Variants in PPP1R2 observed in about 807,000 individuals in gnomAD.
PPP1R2 encodes the protein protein phosphatase inhibitor 2.
A neutral mutation model predicts 29.9 loss-of-function variants in PPP1R2; 16 were observed. The observed-to-expected ratio is 0.53, with a 90% CI of 0.36 to 0.81. The LOEUF is 0.81. Ranked by LOEUF, PPP1R2 falls within the 30% of genes least tolerant of loss-of-function variation. PPP1R2 has a pLI of 0.00. For missense variants in PPP1R2, 197 were observed against 252.7 expected (o/e 0.78, Z 1.49); for synonymous variants, 76 against 91.5 (o/e 0.83, Z 0.96).
intron 1 of PPP1R2, among the ~76,000 whole-genome samples, chr3:195,536,004 T>TATG (rs1298840315): frequency 2.0e-5 from 3 of 152,332 alleles, no homozygotes; most frequent in Admixed American, 6.5e-5. Context: ...TAAAGATCTT[T>TATG]ATGATGATCC....
intron 4 of PPP1R2, 85 bp from the exon 5 acceptor site, chr3:195,519,270 A>G (rs1328692276): frequency 2.0e-6 from 2 of 1,010,850 alleles, no homozygotes; most frequent in African/African-American, 3.3e-5. Flanking sequence ...TTATTGAAAC[A>G]GTGATGCTCA....
At chr3:195,527,570 AT>A (rs1451983334) in intron 2 of PPP1R2, among the ~76,000 whole-genome samples, 5 of 152,138 alleles carry the variant, frequency 3.3e-5, no homozygotes, top group South Asian at 2.1e-4. Flanking sequence ...GGCCTCAACT[AT>A]TTTTTTAAAT....
At position 195,542,788 on chromosome 3, in the gene PPP1R2, A is replaced by C. The variant is rs1719644106; in HGVS notation, c.122+116T>G. 3 of 1,281,000 alleles carry C rather than the reference A, an allele frequency of 2.3e-6. No individual in the cohort carries two copies. In the Admixed American group the frequency reaches 9.6e-5, roughly 41 times the overall value. The allele number at this position is 1,281,000 out of a possible 1,614,324, so 79.4% of individuals were successfully genotyped here. A position where few individuals can be genotyped will look rare whatever the true frequency, so the allele number is the denominator to read the frequency against. ...CACCCGCGGCTAGCCGGGCAGGAGA[A>C]GAGACTCGAGCGGCACCCGAGCCGC... On this transcript the variant is annotated intron_variant, in intron 1 of 5. Transcript: ENST00000618156.
At chr3:195,530,208 T>C (rs1305047569) in intron 1 of PPP1R2, among the ~76,000 whole-genome samples, 2 of 152,232 alleles carry the variant, frequency 1.3e-5, no homozygotes, top group Admixed American at 1.3e-4. Context: ...TATAAAATAA[T>C]GCAAGTCAAA....
intron 4 of PPP1R2, 24 bp downstream of exon 4, chr3:195,523,667 GA>G (rs1560434674): frequency 4.5e-6 from 7 of 1,571,552 alleles, no homozygotes; most frequent in Non-Finnish European, 6.1e-6. Flanking sequence ...GCACCATGAT[GA>G]AAGCAGTAAA....
At chr3:195,526,815 C>T (rs1293751032) in intron 2 of PPP1R2, among the ~76,000 whole-genome samples, 9 of 151,978 alleles carry the variant, frequency 5.9e-5, no homozygotes, top group African/African-American at 2.2e-4. Context: ...GAGTTTCGCT[C>T]TGGTTGCCCA....
intron 2 of PPP1R2, among the ~76,000 whole-genome samples, chr3:195,528,328 A>ATG (rs1173226099): frequency 6.6e-6 from 1 of 152,120 alleles, no homozygotes; most frequent in African/African-American, 2.4e-5. Flanking sequence ...TTTTATATAT[A>ATG]TTCCATGGTA....
chr3:195,522,582 G>T (rs1402074262), intron 4 of PPP1R2, among the ~76,000 whole-genome samples: 1 of 152,120 alleles, frequency 6.6e-6, no homozygotes, highest in East Asian at 1.9e-4. Context: ...ATTTCTATTT[G>T]AAATACTTTT....
At chr3:195,536,579 A>G (rs966890939) in intron 1 of PPP1R2, among the ~76,000 whole-genome samples, 2 of 152,082 alleles carry the variant, frequency 1.3e-5, no homozygotes, top group African/African-American at 2.4e-5. Context: ...ACCTGAAGTC[A>G]GGAGTTCAAG....
intron 1 of PPP1R2, among the ~76,000 whole-genome samples, chr3:195,535,838 A>C (rs1473969207): frequency 5.9e-5 from 9 of 152,194 alleles, no homozygotes; most frequent in Non-Finnish European, 1.0e-4. Flanking sequence ...ATCTTAAGAG[A>C]AACGAAAAAG....
At chr3:195,528,243 T>C (rs991785071) in intron 2 of PPP1R2, among the ~76,000 whole-genome samples, 1 of 152,220 alleles carries the variant, frequency 6.6e-6, no homozygotes, top group Non-Finnish European at 1.5e-5. Flanking sequence ...TGGTTTTCCA[T>C]TCCTGGGTTA....
intron 1 of PPP1R2, among the ~76,000 whole-genome samples, chr3:195,535,986 C>T (rs201519167): frequency 1.6e-5 from 2 of 127,188 alleles, no homozygotes; most frequent in African/African-American, 7.1e-5. Context: ...TGTGAAAGAC[C>T]ACCAGGATAA....
chr3:195,536,850 AAAAG>A (rs1719409101), intron 1 of PPP1R2, among the ~76,000 whole-genome samples: 2 of 151,756 alleles, frequency 1.3e-5, no homozygotes, highest in South Asian at 2.1e-4. Flanking sequence ...TAGGATAAAA[AAAAG>A]AATGAGGAAA....
At chr3:195,519,909 C>G (rs1273286015) in intron 4 of PPP1R2, among the ~76,000 whole-genome samples, 2 of 86,584 alleles carry the variant, frequency 2.3e-5, no homozygotes, top group African/African-American at 9.7e-5. Flanking sequence ...TTCCTTAGAT[C>G]AGAAAATTAA....
chr3:195,519,363 A>G (rs1209493067), intron 4 of PPP1R2, 178 bp from the exon 5 acceptor site: 5 of 464,140 alleles, frequency 1.1e-5, no homozygotes, highest in African/African-American at 2.0e-5. Flanking sequence ...GGGCCCTGCA[A>G]AATTTAAAAT....
intron 1 of PPP1R2, among the ~76,000 whole-genome samples, chr3:195,530,253 G>T (rs1195600564): frequency 6.6e-6 from 1 of 152,156 alleles, no homozygotes; most frequent in Non-Finnish European, 1.5e-5. Context: ...AGGCATTTTT[G>T]ATCTATATAT....
At chr3:195,526,406 C>T (rs776231116) in intron 2 of PPP1R2, among the ~76,000 whole-genome samples, 1 of 151,800 alleles carries the variant, frequency 6.6e-6, no homozygotes, top group Non-Finnish European at 1.5e-5. Context: ...CCAAATGAAA[C>T]TCTCAAAAAG....
In PPP1R2 at chr3:195,543,186, G is replaced by C. The variant is rs1241773202; in HGVS notation, c.-161C>G. On this transcript the variant is annotated 5_prime_UTR_variant, in exon 1 of 6. Transcript: ENST00000618156. ...AAACGGCTACCGCAGCGGTTGTCAC[G>C]ACACAACGACCCCGACGCCAGAGCC... The C allele has an allele frequency of 9.9e-7, 1 of 1,009,186 alleles. No individual in the cohort carries two copies. Among genetic ancestry groups the C allele is most frequent in the African/African-American group, 1.7e-5 (1 of 58,462 alleles). The allele number at this position is 1,009,186 out of a possible 1,614,324, so 62.5% of individuals were successfully genotyped here.
intron 1 of PPP1R2, among the ~76,000 whole-genome samples, chr3:195,541,454 CCTTT>C (rs1446919307): frequency 5.5e-5 from 6 of 108,638 alleles, no homozygotes; most frequent in African/African-American, 7.4e-5. Context: ...TCTTTTCTTT[CCTTT>C]TTTTTTTTTT....
Sources: allele counts gnomAD v4.1 joint callset (sites outside exome capture counted in the v4.1 genomes callset), GRCh38; gene constraint gnomAD v4.1.1; transcripts MANE v1.5; gene names NCBI Gene and HGNC (gene_info 2026-07-23, HGNC 2026-07-21).